CNTN5: variants seen among roughly 807,000 people sequenced by gnomAD.
The protein encoded by CNTN5 is contactin-5.
CNTN5 carries 77 observed loss-of-function variants against 129.1 expected under a neutral mutation model. That is an observed-to-expected ratio of 0.60 (90% CI 0.50 to 0.72). The LOEUF (loss-of-function observed/expected upper bound fraction) is 0.72. Among genes scored for constraint, CNTN5 ranks in the 30% least tolerant of loss-of-function variants. The pLI, the probability that CNTN5 is intolerant of heterozygous loss-of-function variation, is 0.00. For missense variants in CNTN5, 1,478 were observed against 1,328.8 expected, an observed-to-expected ratio of 1.11 and a Z score of -1.75; for synonymous variants, 509 against 465.6, an observed-to-expected ratio of 1.09 and a Z score of -1.20.
chr11:99,509,552 T>C (rs1179724294), intron 2 of CNTN5, among the ~76,000 whole-genome samples: 2 of 152,232 alleles, frequency 1.3e-5, no homozygotes, highest in East Asian at 3.9e-4. Flanking sequence ...TCTTTTAAAA[T>C]ATAACTGACC....
chr11:99,734,885 G>A (rs1326606685), intron 3 of CNTN5, among the ~76,000 whole-genome samples: 5 of 152,202 alleles, frequency 3.3e-5, no homozygotes, highest in Middle Eastern at 3.2e-3. Context: ...GCAGGCGCCT[G>A]TAGTCCCAGC....
chr11:99,116,239 A>C (rs990272036), intron 1 of CNTN5, among the ~76,000 whole-genome samples: 2 of 152,114 alleles, frequency 1.3e-5, no homozygotes, highest in Non-Finnish European at 2.9e-5. Flanking sequence ...CTTTTTAGTG[A>C]ATTTATTTGT....
chr11:99,783,844 T>C, intron 3 of CNTN5, among the ~76,000 whole-genome samples: 1 of 151,676 alleles, frequency 6.6e-6, no homozygotes, highest in Admixed American at 6.6e-5. Context: ...TGGGGAGGGA[T>C]TGCATTGGGA....
intron 2 of CNTN5, among the ~76,000 whole-genome samples, chr11:99,365,318 C>T (rs1939377178): frequency 6.6e-6 from 1 of 152,098 alleles, no homozygotes; most frequent in African/African-American, 2.4e-5. Context: ...ATAAATATGC[C>T]ACAAATGAGT....
intron 3 of CNTN5, among the ~76,000 whole-genome samples, chr11:99,731,966 GATAT>G (rs1943550264): frequency 6.6e-6 from 1 of 152,142 alleles, no homozygotes; most frequent in Non-Finnish European, 1.5e-5. Flanking sequence ...TCCATATTTA[GATAT>G]AATGTATATA....
At chr11:99,595,319 C>T (rs184504022) in intron 3 of CNTN5, among the ~76,000 whole-genome samples, 2 of 151,750 alleles carry the variant, frequency 1.3e-5, no homozygotes, top group African/African-American at 2.4e-5. Context: ...CAGTGTACCC[C>T]ATAAATATGT....
chr11:99,937,844 A>G (rs1030106982), intron 7 of CNTN5, among the ~76,000 whole-genome samples: 1 of 152,190 alleles, frequency 6.6e-6, no homozygotes, highest in African/African-American at 2.4e-5. Context: ...TTTAACTGAT[A>G]GAATGCCTTG....
At chr11:99,226,132 T>G (rs1860672036) in intron 1 of CNTN5, among the ~76,000 whole-genome samples, 1 of 152,114 alleles carries the variant, frequency 6.6e-6, no homozygotes, top group South Asian at 2.1e-4. Flanking sequence ...TCTTAAGTGG[T>G]TTTAAAATAT....
At chr11:99,309,918 G>A (rs1326897562) in intron 1 of CNTN5, among the ~76,000 whole-genome samples, 1 of 152,078 alleles carries the variant, frequency 6.6e-6, no homozygotes, top group African/African-American at 2.4e-5. Context: ...TGTATAAAAT[G>A]ATGGAAAATA....
At chr11:99,326,118 A>G (rs913919821) in intron 2 of CNTN5, among the ~76,000 whole-genome samples, 2 of 152,216 alleles carry the variant, frequency 1.3e-5, no homozygotes, top group Admixed American at 1.3e-4. Context: ...TGTAATAATA[A>G]TCCTTTAAAA....
At chr11:100,207,983 A>G (rs1948950275) in intron 15 of CNTN5, among the ~76,000 whole-genome samples, 1 of 152,164 alleles carries the variant, frequency 6.6e-6, no homozygotes, top group South Asian at 2.1e-4. Context: ...AACCACATTT[A>G]GTCTCATACC....
intron 16 of CNTN5, among the ~76,000 whole-genome samples, chr11:100,242,178 C>G (rs1011360629): frequency 6.6e-6 from 1 of 152,182 alleles, no homozygotes; most frequent in Non-Finnish European, 1.5e-5. Context: ...AATTGCCATA[C>G]TCATTAACAC....
chr11:99,231,576 A>C (rs1328618544), intron 1 of CNTN5, among the ~76,000 whole-genome samples: 1 of 152,108 alleles, frequency 6.6e-6, no homozygotes, highest in African/African-American at 2.4e-5. Flanking sequence ...TAGATTGCAA[A>C]AATTTTCTCC....
At chr11:100,197,008 G>C (rs1305033553) in intron 15 of CNTN5, among the ~76,000 whole-genome samples, 1 of 151,978 alleles carries the variant, frequency 6.6e-6, no homozygotes, top group Non-Finnish European at 1.5e-5. Flanking sequence ...CTATAATAAA[G>C]CTACACCAGA....
intron 2 of CNTN5, among the ~76,000 whole-genome samples, chr11:99,530,564 A>G (rs1336125300): frequency 6.6e-6 from 1 of 152,152 alleles, no homozygotes; most frequent in Admixed American, 6.5e-5. Flanking sequence ...GAATAATTAC[A>G]CAGATAATTA....
At chr11:100,045,343 C>A (rs1016756627) in intron 9 of CNTN5, among the ~76,000 whole-genome samples, 4 of 151,922 alleles carry the variant, frequency 2.6e-5, no homozygotes, top group African/African-American at 9.7e-5. Flanking sequence ...TTGTGTGTTT[C>A]TAGGTAAATA....
intron 9 of CNTN5, among the ~76,000 whole-genome samples, chr11:100,011,238 G>T (rs541556323): frequency 1.3e-5 from 2 of 152,116 alleles, no homozygotes; most frequent in African/African-American, 4.8e-5. Context: ...ACCTTTTACA[G>T]ACCCTAGAAA....
chr11:99,940,434 ATT>A (rs1448297077), intron 7 of CNTN5, among the ~76,000 whole-genome samples: 2 of 152,166 alleles, frequency 1.3e-5, no homozygotes, highest in African/African-American at 4.8e-5. Context: ...GGAGTATAGT[ATT>A]TCAAAGTTAT....
intron 1 of CNTN5, among the ~76,000 whole-genome samples, chr11:99,318,444 T>A (rs568984685): frequency 5.3e-5 from 8 of 152,310 alleles, no homozygotes; most frequent in African/African-American, 1.9e-4. Flanking sequence ...ACTAATGCTA[T>A]GATTCATGTC....
Sources: allele counts gnomAD v4.1 joint callset (sites outside exome capture counted in the v4.1 genomes callset), GRCh38; gene constraint gnomAD v4.1.1; transcripts MANE v1.5; gene names NCBI Gene and HGNC (gene_info 2026-07-23, HGNC 2026-07-21).